The following TGFB2 variants were observed in gnomAD, a reference collection of about 807,000 sequenced individuals.
TGFB2 encodes transforming growth factor beta 2.
TGFB2 carries 13 observed loss-of-function variants against 42.7 expected under a neutral mutation model. That is an observed-to-expected ratio of 0.30 (90% CI 0.20 to 0.48). The LOEUF is 0.48. Ranked by LOEUF, TGFB2 falls within the 20% of genes least tolerant of loss-of-function variation. The pLI is 0.99. For missense variants in TGFB2, 390 were observed against 517.5 expected, an observed-to-expected ratio of 0.75 and a Z score of 2.39; for synonymous variants, 193 against 193.6, an observed-to-expected ratio of 1.00 and a Z score of 0.03.
intron 5 of TGFB2, among the ~76,000 whole-genome samples, chr1:218,436,685 G>A (rs1354710811): frequency 6.6e-6 from 1 of 152,180 alleles, no homozygotes; most frequent in African/African-American, 2.4e-5. Context: ...ATGTTCTTAT[G>A]TGGTCTCAGT....
At position 218,408,194 on chromosome 1, in the gene TGFB2, C is replaced by G. The variant is rs548391843; in HGVS notation, c.510+2862C>G. Among the ~76,000 whole-genome samples, 2 of 152,250 alleles carry G rather than the reference C, an allele frequency of 1.3e-5. 1 individual carries two copies. Among genetic ancestry groups the G allele is most frequent in the East Asian group, 3.9e-4 (2 of 5,168 alleles). On this transcript the variant is annotated intron_variant, in intron 2 of 6. Coordinates refer to ENST00000366930, the MANE Select transcript of TGFB2 (RefSeq NM_003238.6). Reference sequence around the variant, plus strand: ...TTTTTCTGTGGCCCCTTGACCCTGTCCTCTGAGGAGTAGCCTCTGCCAGCA... The same window carrying G: ...TTTTTCTGTGGCCCCTTGACCCTGTGCTCTGAGGAGTAGCCTCTGCCAGCA...
intron 1 of TGFB2, among the ~76,000 whole-genome samples, chr1:218,389,276 G>A (rs1313224572): frequency 6.6e-6 from 1 of 152,184 alleles, no homozygotes; most frequent in Non-Finnish European, 1.5e-5. Flanking sequence ...TTTGCTTTGT[G>A]ATACATGTTG....
intron 2 of TGFB2, among the ~76,000 whole-genome samples, chr1:218,433,205 A>T (rs1185121097): frequency 3.3e-5 from 5 of 151,968 alleles, no homozygotes; most frequent in African/African-American, 1.2e-4. Flanking sequence ...AGTAGCTGGG[A>T]TTACAGGCGC....
chr1:218,435,558 T>C (rs1409296169), intron 4 of TGFB2, among the ~76,000 whole-genome samples: 2 of 152,228 alleles, frequency 1.3e-5, no homozygotes, highest in Non-Finnish European at 2.9e-5. Context: ...TTTAGTAGTC[T>C]TAGGAAGAGT....
At chr1:218,402,126 G>A (rs971241015) in intron 1 of TGFB2, among the ~76,000 whole-genome samples, 8 of 152,204 alleles carry the variant, frequency 5.3e-5, no homozygotes, top group African/African-American at 1.9e-4. Context: ...AGGCAGGGAA[G>A]GCTACCGGCT....
intron 1 of TGFB2, among the ~76,000 whole-genome samples, chr1:218,384,644 T>G (rs76670449): frequency 1.3e-5 from 2 of 152,204 alleles, no homozygotes; most frequent in African/African-American, 4.8e-5. Flanking sequence ...TTCTTGGCCC[T>G]GTACATATTG....
At chr1:218,373,471 A>C (rs1290556242) in intron 1 of TGFB2, among the ~76,000 whole-genome samples, 1 of 151,774 alleles carries the variant, frequency 6.6e-6, no homozygotes, top group African/African-American at 2.4e-5. Flanking sequence ...ATTAGTTATA[A>C]TATGATTATA....
At chr1:218,426,974 A>G (rs1209297390) in intron 2 of TGFB2, among the ~76,000 whole-genome samples, 2 of 151,970 alleles carry the variant, frequency 1.3e-5, no homozygotes, top group Non-Finnish European at 2.9e-5. Context: ...TTCTATTTTT[A>G]TTTTTCTGAA....
intron 1 of TGFB2, among the ~76,000 whole-genome samples, chr1:218,358,867 G>C (rs1226675967): frequency 1.3e-5 from 2 of 152,102 alleles, no homozygotes; most frequent in African/African-American, 2.4e-5. Context: ...AAAACTGCTG[G>C]CTTAGAAACT....
rs933027208 is a variant in TGFB2, at chr1:218,441,396, A to G, written c.*34A>G. 6.3e-7 allele frequency: 1 copy of G among 1,580,406 alleles called. No homozygotes were observed. The highest frequency in any genetic ancestry group is 1.4e-5 in the African/African-American group (1 of 73,284). ...GAAAAGTGGCAAGACCAAAATGACA[A>G]TGATGATGATAATGATGATGACGAC... On this transcript the variant is annotated 3_prime_UTR_variant, in exon 7 of 7. Transcript: ENST00000366930.
intron 2 of TGFB2, among the ~76,000 whole-genome samples, chr1:218,427,317 C>CT (rs1200991918): frequency 3.3e-5 from 5 of 151,818 alleles, no homozygotes; most frequent in South Asian, 4.2e-4. Context: ...TATTCTGCTT[C>CT]TTTTTTTTCT....
intron 1 of TGFB2, among the ~76,000 whole-genome samples, chr1:218,398,287 A>C (rs1658590104): frequency 6.6e-6 from 1 of 152,248 alleles, no homozygotes; most frequent in East Asian, 1.9e-4. Context: ...TAGCAAATAC[A>C]GCAAATACCT....
At chr1:218,433,946 T>C (rs916829394) in intron 2 of TGFB2, 136 bp from the exon 3 acceptor site, 1 of 1,178,226 alleles carries the variant, frequency 8.5e-7, no homozygotes, top group Non-Finnish European at 1.2e-6. Flanking sequence ...GACCATGCAA[T>C]TGAGATGACA....
chr1:218,352,228 G>C (rs1253199228), intron 1 of TGFB2, among the ~76,000 whole-genome samples: 1 of 148,456 alleles, frequency 6.7e-6, no homozygotes, highest in Non-Finnish European at 1.5e-5. Context: ...CCGCTATCTT[G>C]ATGTAGCATT....
intron 1 of TGFB2, among the ~76,000 whole-genome samples, chr1:218,369,178 C>G (rs1262948336): frequency 1.4e-5 from 2 of 146,322 alleles, no homozygotes; most frequent in Admixed American, 1.4e-4. Flanking sequence ...TCACTTCAAC[C>G]CCGGAGGTGG....
intron 2 of TGFB2, among the ~76,000 whole-genome samples, chr1:218,413,477 GGCGCTGT>G (rs975006562): frequency 6.6e-6 from 1 of 152,186 alleles, no homozygotes; most frequent in Admixed American, 6.5e-5. Context: ...AGAAGGCATC[GGCGCTGT>G]GCATTTCTAC....
chr1:218,385,116 C>T (rs11466382), intron 1 of TGFB2, among the ~76,000 whole-genome samples: 7,400 of 149,992 alleles, frequency 0.049, 209 homozygotes, highest in African/African-American at 0.084. Context: ...TTTTCCCCCT[C>T]TCTTACTGGT....
intron 5 of TGFB2, 54 bp downstream of exon 5, chr1:218,436,201 C>T: frequency 6.4e-7 from 1 of 1,570,718 alleles, no homozygotes; most frequent in East Asian, 2.2e-5. Context: ...TCTTAAACTG[C>T]CTTTGCCCTT....
Position 218,345,946 on chromosome 1 carries a change from C to T in TGFB2, c.-756C>T, listed in dbSNP as rs1158116107. The stretch of plus-strand genomic sequence containing the variant: ...GCAGCTCCCAGAGCAGGATCCGCGC[C>T]GCCTCAGCAGCCTCTGCGGCCCCTG... On this transcript the variant is annotated 5_prime_UTR_variant, in exon 1 of 7. Coordinates refer to ENST00000366930, the MANE Select transcript of TGFB2 (RefSeq NM_003238.6). 1.3e-5 allele frequency among the ~76,000 whole-genome samples: 2 copies of T among 151,944 alleles called. No individual in the cohort carries two copies. The highest frequency in any genetic ancestry group is 4.8e-5 in the African/African-American group (2 of 41,366).
Sources: allele counts gnomAD v4.1 joint callset (sites outside exome capture counted in the v4.1 genomes callset), GRCh38; gene constraint gnomAD v4.1.1; transcripts MANE v1.5; gene names NCBI Gene and HGNC (gene_info 2026-07-23, HGNC 2026-07-21).